CCDC171: variants seen among roughly 807,000 people sequenced by gnomAD.
CCDC171 encodes the protein coiled-coil domain containing 171.
Under a neutral mutation model 168.2 loss-of-function variants are expected in CCDC171, and 177 were observed. The observed-to-expected ratio is 1.05, with a 90% CI of 0.93 to 1.19. The LOEUF (loss-of-function observed/expected upper bound fraction) is 1.19, where lower values mean the gene tolerates loss of function less well. CCDC171 is among the 50% of genes most tolerant of loss of function. The pLI is 0.00. For missense variants in CCDC171, 1,991 were observed against 1,539.0 expected (o/e 1.29, Z -4.91); for synonymous variants, 687 against 540.8 (o/e 1.27, Z -3.75).
chr9:15,913,831 C>T (rs996706527), intron 24 of CCDC171, among the ~76,000 whole-genome samples: 1 of 152,072 alleles, frequency 6.6e-6, no homozygotes, highest in Non-Finnish European at 1.5e-5. Context: ...TTTTTGCATG[C>T]TTGTTCTTTT....
chr9:15,568,971 C>T (rs1279842995), intron 2 of CCDC171, among the ~76,000 whole-genome samples: 2 of 152,200 alleles, frequency 1.3e-5, no homozygotes, highest in Admixed American at 6.5e-5. Context: ...CATCTTTGCC[C>T]ATTCCTGTGT....
rs574751267 is a variant in CCDC171, at chr9:15,820,432, A to C, written c.3268-26270A>C. On this transcript the variant is annotated intron_variant, in intron 21 of 25. Transcript: ENST00000380701. ...TTTTTTGAAAAGATCAACAAAATTG[A>C]TAGACCACTAGCAAGACTAATGAAG... Among the ~76,000 whole-genome samples the C allele has an allele frequency of 2.2e-4, 25 of 115,818 alleles. 5 individuals are homozygous for C. The South Asian group carries it at 7.1e-3, about 33-fold the overall frequency. 76.0% of individuals were successfully genotyped at this position (115,818 alleles called of 152,430 possible).
intron 10 of CCDC171, among the ~76,000 whole-genome samples, chr9:15,682,035 T>C (rs1290895397): frequency 6.6e-6 from 1 of 152,064 alleles, no homozygotes; most frequent in Non-Finnish European, 1.5e-5. Flanking sequence ...CAGATTGTTT[T>C]CTAGTTTAGG....
chr9:15,988,308 T>A (rs1832063578), intron 3 of CCDC171, among the ~76,000 whole-genome samples: 1 of 152,214 alleles, frequency 6.6e-6, no homozygotes, highest in South Asian at 2.1e-4. Flanking sequence ...CAGAAACCCT[T>A]GAGGGACCAG....
the CCDC171 span, among the ~76,000 whole-genome samples, chr9:16,071,826 T>C: frequency 1.3e-5 from 2 of 152,206 alleles, no homozygotes; most frequent in Non-Finnish European, 1.5e-5. Context: ...GAGAGCTCAT[T>C]GGGATTCCCT....
chr9:16,008,582 T>A (rs944209922), intron 3 of CCDC171, among the ~76,000 whole-genome samples: 75 of 152,148 alleles, frequency 4.9e-4, no homozygotes, highest in African/African-American at 1.8e-3. Flanking sequence ...TGGTTGCTTG[T>A]CCTAAATGCA....
chr9:15,616,096 G>A (rs537701811), intron 6 of CCDC171, among the ~76,000 whole-genome samples: 1 of 152,264 alleles, frequency 6.6e-6, no homozygotes, highest in South Asian at 2.1e-4. Context: ...GATTACAGGT[G>A]TGTGCCACCA....
intron 18 of CCDC171, among the ~76,000 whole-genome samples, chr9:15,756,560 C>G (rs1039751484): frequency 1.3e-5 from 2 of 152,150 alleles, no homozygotes; most frequent in African/African-American, 4.8e-5. Context: ...CTAGTAGTCC[C>G]CAGTGTCTGT....
chr9:15,557,618 C>T (rs1034662832), intron 1 of CCDC171, among the ~76,000 whole-genome samples: 5 of 152,144 alleles, frequency 3.3e-5, no homozygotes, highest in African/African-American at 7.2e-5. Context: ...AGTTGCTTAT[C>T]AGCTTAAGGA....
intron 6 of CCDC171, among the ~76,000 whole-genome samples, chr9:15,604,058 G>T (rs2043052298): frequency 6.7e-6 from 1 of 149,916 alleles, no homozygotes; most frequent in Non-Finnish European, 1.5e-5. Context: ...TTTTTTTTGA[G>T]AAGTGTCTGT....
intron 25 of CCDC171, among the ~76,000 whole-genome samples, chr9:15,949,138 T>C (rs1380756838): frequency 6.6e-6 from 1 of 152,082 alleles, no homozygotes; most frequent in Non-Finnish European, 1.5e-5. Context: ...GTTGTAGATA[T>C]GTGGCATTAT....
chr9:15,934,946 C>T (rs1309670504), intron 25 of CCDC171, among the ~76,000 whole-genome samples: 2 of 151,946 alleles, frequency 1.3e-5, no homozygotes, highest in Admixed American at 1.3e-4. Flanking sequence ...ATGAAATATC[C>T]AGAATAGGCA....
intron 11 of CCDC171, among the ~76,000 whole-genome samples, chr9:15,708,960 TC>T (rs2052450744): frequency 6.6e-6 from 1 of 152,200 alleles, no homozygotes; most frequent in Admixed American, 6.5e-5. Context: ...AGGGTTTTAC[TC>T]TTTTTTTTCA....
In CCDC171 at chr9:16,007,230, C is replaced by G. The variant is rs1356156174; in HGVS notation, n.369-13359C>G. Among the ~76,000 whole-genome samples, 5 of 152,266 alleles carry G rather than the reference C, an allele frequency of 3.3e-5. No individual in the cohort carries two copies. In the East Asian group the frequency reaches 5.8e-4, roughly 18 times the overall value. On this transcript the variant is annotated intron_variant and non_coding_transcript_variant, in intron 3 of 9. Coordinates refer to the CCDC171 transcript ENST00000486641. ...TGTTTTTTGGCTGCATAAATGTCTT[C>G]TTTTGAGTAGTGTCTGTTCATATCC...
intron 3 of CCDC171, among the ~76,000 whole-genome samples, chr9:15,578,406 T>TGTA (rs1170279064): frequency 1.9e-5 from 2 of 107,224 alleles, no homozygotes; most frequent in African/African-American, 7.7e-5. Context: ...GGTTAATTTT[T>TGTA]GTATTATTAT....
intron 3 of CCDC171, among the ~76,000 whole-genome samples, chr9:16,008,049 T>A (rs1054726701): frequency 1.3e-5 from 2 of 152,222 alleles, no homozygotes; most frequent in African/African-American, 2.4e-5. Context: ...TTCTTTATAG[T>A]GTCCTTTGAA....
In CCDC171 at chr9:15,636,604, C is replaced by T. The variant is rs1236430922; in HGVS notation, c.822+13191C>T. On this transcript the variant is annotated intron_variant, in intron 7 of 25. Transcript: ENST00000380701. Reference sequence around the variant, plus strand: ...TCCCTACAAAAAATACAAAACTTAGCCAAACATGGTGAAATGTGCCTGTAG... The same window carrying T: ...TCCCTACAAAAAATACAAAACTTAGTCAAACATGGTGAAATGTGCCTGTAG... 4.0e-5 allele frequency among the ~76,000 whole-genome samples: 6 copies of T among 151,820 alleles called. No homozygotes were observed. The East Asian group carries it at 5.8e-4, about 15-fold the overall frequency.
chr9:15,617,447 G>A (rs748354009), intron 6 of CCDC171, among the ~76,000 whole-genome samples: 2 of 151,256 alleles, frequency 1.3e-5, no homozygotes, highest in Non-Finnish European at 3.0e-5. Context: ...CGTGATCTCG[G>A]CTCACTGCAA....
At chr9:15,914,294 T>C (rs527530813) in intron 24 of CCDC171, among the ~76,000 whole-genome samples, 2 of 152,284 alleles carry the variant, frequency 1.3e-5, no homozygotes, top group East Asian at 3.9e-4. Flanking sequence ...GGGAGTTTTA[T>C]CTATAAGCCC....
Sources: allele counts gnomAD v4.1 joint callset (sites outside exome capture counted in the v4.1 genomes callset), GRCh38; gene constraint gnomAD v4.1.1; transcripts MANE v1.5; gene names NCBI Gene and HGNC (gene_info 2026-07-23, HGNC 2026-07-21).